Variants in PIAS1 observed in about 807,000 individuals in gnomAD.
The protein encoded by PIAS1 is protein inhibitor of activated STAT 1.
PIAS1 carries 6 observed loss-of-function variants against 71.3 expected under a neutral mutation model. The observed-to-expected ratio is 0.08, with a 90% confidence interval of 0.05 to 0.17. The LOEUF (loss-of-function observed/expected upper bound fraction) is 0.17. Among genes scored for constraint, PIAS1 ranks in the 10% least tolerant of loss-of-function variants. The pLI is 1.00. For missense variants in PIAS1, 555 were observed against 793.6 expected, an observed-to-expected ratio of 0.70 and a Z score of 3.61; for synonymous variants, 303 against 292.9, an observed-to-expected ratio of 1.03 and a Z score of -0.35.
At chr15:68,138,203 A>G (rs2092746967) in intron 2 of PIAS1, among the ~76,000 whole-genome samples, 1 of 152,148 alleles carries the variant, frequency 6.6e-6, no homozygotes, top group Admixed American at 6.6e-5. Flanking sequence ...CACTTATGTT[A>G]TTTAACTAGC....
chr15:68,142,011 C>A lies in PIAS1; in HGVS notation c.535C>A (p.Gln179Lys), dbSNP rs2092773994. 1.9e-6 allele frequency: 3 copies of A among 1,601,476 alleles called. No individual in the cohort carries two copies. The Admixed American group carries it at 5.1e-5, about 27-fold the overall frequency. ...FAFALTPQQVQQISSSMDISG... is the reference protein window; with the variant it reads ...FAFALTPQQVKQISSSMDISG... The stretch of plus-strand genomic sequence containing the variant: ...ATTTGCCTTGACACCACAACAAGTG[C>A]AGCAAATCAGTAGTTCCATGTAAGT... Residue 179 changes from glutamine to lysine, a missense_variant, in exon 3 of 14, where the codon CAG becomes AAG. Gln to Lys is a moderately conservative substitution (Grantham distance 53). Around this residue, in one of 5 missense-constraint regions of PIAS1, gnomAD observed 134 missense variants for 203.4 expected, o/e 0.66. Coordinates refer to ENST00000249636, the MANE Select transcript of PIAS1 (RefSeq NM_016166.3).
chr15:68,175,793 G>T (rs1363933761), intron 10 of PIAS1, 26 bp downstream of exon 10: 2 of 1,569,902 alleles, frequency 1.3e-6, no homozygotes, highest in Admixed American at 1.8e-5. Flanking sequence ...CAAGGAAGAG[G>T]CAGTCTCCCT....
intron 2 of PIAS1, among the ~76,000 whole-genome samples, chr15:68,114,648 T>G (rs1167402133): frequency 6.6e-6 from 1 of 152,084 alleles, no homozygotes; most frequent in Non-Finnish European, 1.5e-5. Flanking sequence ...ATAGCAAATA[T>G]TTTTAGAGCA....
intron 2 of PIAS1, among the ~76,000 whole-genome samples, chr15:68,090,166 C>T (rs1473193100): frequency 1.3e-5 from 2 of 151,942 alleles, no homozygotes; most frequent in Admixed American, 6.6e-5. Flanking sequence ...AGGCGTCAGC[C>T]ACCACACCCA....
At chr15:68,077,508 CTTTCAA>C (rs1488877679) in intron 1 of PIAS1, among the ~76,000 whole-genome samples, 1 of 152,194 alleles carries the variant, frequency 6.6e-6, no homozygotes. Flanking sequence ...TTAAAGGGAA[CTTTCAA>C]TTCCTAGAGC....
intron 1 of PIAS1, among the ~76,000 whole-genome samples, chr15:68,072,423 AAAAAAG>A (rs2092108326): frequency 2.0e-5 from 3 of 150,812 alleles, no homozygotes; most frequent in African/African-American, 7.3e-5. Context: ...AAAAAAAAAA[AAAAAAG>A]AGTTATGGGA....
At chr15:68,058,213 A>C (rs1312731712) in intron 1 of PIAS1, among the ~76,000 whole-genome samples, 1 of 152,208 alleles carries the variant, frequency 6.6e-6, no homozygotes, top group Non-Finnish European at 1.5e-5. Flanking sequence ...CCAAAAACGG[A>C]TTCATTACTT....
intron 1 of PIAS1, among the ~76,000 whole-genome samples, chr15:68,057,147 C>T (rs774268892): frequency 1.6e-3 from 244 of 152,240 alleles, no homozygotes; most frequent in Non-Finnish European, 2.8e-3. Flanking sequence ...TCTTTATCCC[C>T]TGTAGGAATT....
At chr15:68,082,796 A>G (rs2092240772) in intron 1 of PIAS1, among the ~76,000 whole-genome samples, 1 of 152,166 alleles carries the variant, frequency 6.6e-6, no homozygotes, top group Non-Finnish European at 1.5e-5. Flanking sequence ...AAAAAATGCC[A>G]GAAGAACTAG....
chr15:68,126,481 C>T (rs972431490), intron 2 of PIAS1, among the ~76,000 whole-genome samples: 14 of 152,132 alleles, frequency 9.2e-5, no homozygotes, highest in African/African-American at 3.4e-4. Flanking sequence ...GGCTGGCTCT[C>T]ACCCAGGCTG....
chr15:68,118,962 G>C (rs569648188), intron 2 of PIAS1, among the ~76,000 whole-genome samples: 17 of 152,062 alleles, frequency 1.1e-4, no homozygotes, highest in African/African-American at 3.6e-4. Context: ...AAACTAAAAA[G>C]CTTCTGCACA....
intron 2 of PIAS1, among the ~76,000 whole-genome samples, chr15:68,114,029 T>C (rs1375959722): frequency 8.0e-6 from 1 of 125,216 alleles, no homozygotes; most frequent in African/African-American, 2.8e-5. Flanking sequence ...ATATATTTCA[T>C]ACACACACAC....
At chr15:68,118,195 C>T (rs566701109) in intron 2 of PIAS1, among the ~76,000 whole-genome samples, 2 of 152,104 alleles carry the variant, frequency 1.3e-5, no homozygotes, top group Admixed American at 6.5e-5. Context: ...GTGGTGTGCA[C>T]CTGTAGTCCC....
At chr15:68,162,802 C>G (rs911300761) in intron 7 of PIAS1, among the ~76,000 whole-genome samples, 4 of 152,172 alleles carry the variant, frequency 2.6e-5, no homozygotes, top group Admixed American at 6.5e-5. Context: ...TCTCAAACTC[C>G]TGGCCTCAAG....
chr15:68,087,906 CATT>C, intron 2 of PIAS1: 1 of 317,152 alleles, frequency 3.2e-6, no homozygotes, highest in South Asian at 2.5e-5. Flanking sequence ...TTTTGTATCA[CATT>C]ATTTTATTTT....
At chr15:68,183,419 G>A (rs951940651) in intron 12 of PIAS1, among the ~76,000 whole-genome samples, 2 of 152,150 alleles carry the variant, frequency 1.3e-5, no homozygotes, top group African/African-American at 4.8e-5. Context: ...ATGGGGTCAC[G>A]GAGAAGACAA....
intron 1 of PIAS1, among the ~76,000 whole-genome samples, chr15:68,059,660 T>A (rs1292642943): frequency 1.4e-5 from 2 of 145,162 alleles, no homozygotes; most frequent in African/African-American, 5.2e-5. Flanking sequence ...GCAGCGAGAT[T>A]GCGCCACCGG....
intron 1 of PIAS1, chr15:68,055,125 G>GA (rs775947463): frequency 4.5e-5 from 35 of 774,940 alleles, no homozygotes; most frequent in Non-Finnish European, 5.0e-5. Context: ...GGGAGGGGGG[G>GA]ATGCAGCTAC....
At chr15:68,183,438 C>T (rs2093068585) in intron 12 of PIAS1, among the ~76,000 whole-genome samples, 192 bp from the exon 13 acceptor site, 1 of 152,136 alleles carries the variant, frequency 6.6e-6, no homozygotes, top group Non-Finnish European at 1.5e-5. Context: ...AAATCATTGC[C>T]AAAGCTTAGT....
Sources: gnomAD v4.1 joint callset for allele counts (sites outside exome capture counted in the v4.1 genomes callset) on GRCh38, gnomAD v4.1.1 for gene constraint, gnomAD v4.1.1 regional missense constraint, MANE v1.5 for transcripts, NCBI Gene and HGNC (gene_info 2026-07-23, HGNC 2026-07-21) for gene names.